ACTR3C: variants seen among roughly 807,000 people sequenced by gnomAD.
ACTR3C encodes actin-related protein 3C.
In ACTR3C, 18 loss-of-function variants were observed where a neutral mutation model predicts 26.3. That is an observed-to-expected ratio of 0.68 (90% CI 0.47 to 1.01). ACTR3C has a LOEUF of 1.01. ACTR3C is among the 50% of genes least tolerant of loss of function. The pLI, the probability that ACTR3C is intolerant of heterozygous loss-of-function variation, is 0.00. For missense variants in ACTR3C, 184 were observed against 250.7 expected (o/e 0.73, Z 1.80); for synonymous variants, 55 against 94.5 (o/e 0.58, Z 2.42).
At chr7:150,292,914 T>C (rs1836390238) in intron 3 of ACTR3C, among the ~76,000 whole-genome samples, 1 of 152,352 alleles carries the variant, frequency 6.6e-6, no homozygotes, top group South Asian at 2.1e-4. Context: ...CACCTACAAA[T>C]TCAACATCCA....
chr7:150,218,958 C>G, the ACTR3C span, among the ~76,000 whole-genome samples: 1 of 151,498 alleles, frequency 6.6e-6, no homozygotes, highest in Non-Finnish European at 1.5e-5. Flanking sequence ...TATAACTACT[C>G]AAATCATAGT....
At chr7:150,109,688 C>T in the ACTR3C span, among the ~76,000 whole-genome samples, 5 of 150,448 alleles carry the variant, frequency 3.3e-5, no homozygotes, top group East Asian at 7.7e-4. Context: ...ATGGGTACCA[C>T]TGCACATCCC....
At chr7:150,229,072 C>T in the ACTR3C span, among the ~76,000 whole-genome samples, 1 of 152,080 alleles carries the variant, frequency 6.6e-6, no homozygotes, top group Admixed American at 6.5e-5. Flanking sequence ...ATTTTGTTGA[C>T]TTTTTCAAAG....
the ACTR3C span, among the ~76,000 whole-genome samples, chr7:150,111,970 A>G: frequency 6.6e-6 from 1 of 151,816 alleles, no homozygotes; most frequent in African/African-American, 2.4e-5. Flanking sequence ...AGTCTTGGGA[A>G]AGCAATGCAA....
At chr7:150,301,998 G>T (rs1795466271) in intron 1 of ACTR3C, among the ~76,000 whole-genome samples, 1 of 152,050 alleles carries the variant, frequency 6.6e-6, no homozygotes, top group African/African-American at 2.4e-5. Flanking sequence ...TTCAAAAATG[G>T]TTCAAATGAT....
At chr7:150,035,403 T>G in the ACTR3C span, among the ~76,000 whole-genome samples, 4,526 of 15,092 alleles carry the variant, frequency 0.3, 1,522 homozygotes, top group African/African-American at 0.6. Context: ...GGTCCTAAGA[T>G]CCAGGGGGGG....
At chr7:150,068,865 A>G in the ACTR3C span, among the ~76,000 whole-genome samples, 1 of 152,184 alleles carries the variant, frequency 6.6e-6, no homozygotes, top group East Asian at 1.9e-4. Flanking sequence ...TAAACAATGC[A>G]AATTTGATAA....
the ACTR3C span, among the ~76,000 whole-genome samples, chr7:150,060,444 C>T: frequency 2.8e-4 from 43 of 152,238 alleles, no homozygotes; most frequent in East Asian, 2.7e-3. Context: ...CTTCTCTTTC[C>T]CACCTATGCC....
chr7:149,910,553 G>A, the ACTR3C span, among the ~76,000 whole-genome samples: 179 of 152,098 alleles, frequency 1.2e-3, no homozygotes, highest in African/African-American at 4.1e-3. Flanking sequence ...ACTCATCAGC[G>A]CTTCCTTTCT....
At chr7:149,918,013 C>T in the ACTR3C span, among the ~76,000 whole-genome samples, 1 of 152,184 alleles carries the variant, frequency 6.6e-6, no homozygotes, top group Admixed American at 6.5e-5. Context: ...ATGTAAATTA[C>T]ATGACCAATT....
the ACTR3C span, among the ~76,000 whole-genome samples, chr7:150,109,861 G>A: frequency 0.43 from 58,667 of 136,890 alleles, 15,123 homozygotes; most frequent in South Asian, 0.62. Context: ...AAACTTGGAC[G>A]TCACTCCTTC....
At chr7:150,159,225 G>A in the ACTR3C span, among the ~76,000 whole-genome samples, 2 of 152,066 alleles carry the variant, frequency 1.3e-5, no homozygotes, top group East Asian at 3.9e-4. Flanking sequence ...AGCCTGTTCA[G>A]AAGGAGCTCT....
the ACTR3C span, among the ~76,000 whole-genome samples, chr7:149,932,942 C>T: frequency 3.3e-5 from 5 of 150,874 alleles, no homozygotes; most frequent in African/African-American, 9.8e-5. Flanking sequence ...AACCAGGCAT[C>T]GAGTGGAGGA....
At chr7:150,239,351 TATG>T (rs2129608288), downstream of ACTR3C, among the ~76,000 whole-genome samples, 1 of 147,152 alleles carries the variant, frequency 6.8e-6, no homozygotes, top group African/African-American at 2.6e-5. Context: ...TGTGTCAAAG[TATG>T]ATATTGATGG....
At chr7:150,137,673 C>A in the ACTR3C span, among the ~76,000 whole-genome samples, 1 of 152,100 alleles carries the variant, frequency 6.6e-6, no homozygotes, top group Non-Finnish European at 1.5e-5. Context: ...TTAGAGAATA[C>A]AAATGAAGGA....
the ACTR3C span, among the ~76,000 whole-genome samples, chr7:150,133,736 GTGTTTGTT>G: frequency 6.7e-6 from 1 of 148,194 alleles, no homozygotes; most frequent in Non-Finnish European, 1.5e-5. Context: ...TTTATCTTTT[GTGTTTGTT>G]TGTTTGTTTG....
the ACTR3C span, among the ~76,000 whole-genome samples, chr7:150,063,392 T>C: frequency 6.6e-6 from 1 of 151,494 alleles, no homozygotes; most frequent in Non-Finnish European, 1.5e-5. Flanking sequence ...CAGTGAACAC[T>C]TCAGAATACC....
chr7:150,127,008 T>C, the ACTR3C span, among the ~76,000 whole-genome samples: 120 of 152,198 alleles, frequency 7.9e-4, 4 homozygotes, highest in South Asian at 0.023. Flanking sequence ...CTTTCCTGAA[T>C]ACATTACACA....
chr7:149,976,357 G>A, the ACTR3C span, among the ~76,000 whole-genome samples: 1 of 152,068 alleles, frequency 6.6e-6, no homozygotes, highest in East Asian at 1.9e-4. Flanking sequence ...GGCGGATCAC[G>A]AGGTCAGGAG....
Sources: gnomAD v4.1 joint callset for allele counts (sites outside exome capture counted in the v4.1 genomes callset) on GRCh38, gnomAD v4.1.1 for gene constraint, MANE v1.5 for transcripts, NCBI Gene and HGNC (gene_info 2026-07-23, HGNC 2026-07-21) for gene names.